MACROD2: variants seen among roughly 807,000 people sequenced by gnomAD.
The protein encoded by MACROD2 is mono-ADP ribosylhydrolase 2.
A neutral mutation model predicts 70.4 loss-of-function variants in MACROD2; 36 were observed. The observed-to-expected ratio is 0.51, with a 90% CI of 0.39 to 0.68. MACROD2 has a LOEUF of 0.68. Among genes scored for constraint, MACROD2 ranks in the 30% least tolerant of loss-of-function variants. The pLI is 0.00. For synonymous variants in MACROD2, 172 were observed against 178.8 expected, an observed-to-expected ratio of 0.96 and a Z score of 0.30; for missense variants, 496 against 538.4, an observed-to-expected ratio of 0.92 and a Z score of 0.78.
At chr20:14,386,663 C>A (rs541126662) in intron 3 of MACROD2, among the ~76,000 whole-genome samples, 5 of 152,296 alleles carry the variant, frequency 3.3e-5, no homozygotes, top group African/African-American at 1.2e-4. Context: ...CTTTTGCCTT[C>A]TGCCATGATT....
At chr20:14,795,328 C>T (rs563636485) in intron 5 of MACROD2, among the ~76,000 whole-genome samples, 6 of 152,098 alleles carry the variant, frequency 3.9e-5, no homozygotes, top group Non-Finnish European at 7.4e-5. Flanking sequence ...AGAAGAAAGC[C>T]AGGATCTAGG....
rs1458818664 is a variant in MACROD2 at position 14,930,456 on chromosome 20, T to A, written c.418+245497T>A. Among the ~76,000 whole-genome samples, 7 of 152,072 alleles carry A rather than the reference T, an allele frequency of 4.6e-5. No individual in the cohort carries two copies. The East Asian group carries it at 1.2e-3, about 25-fold the overall frequency. Reference sequence around the variant, plus strand: ...ACTCTGGAGTTCAACTATCCAGGTTTGACTTCTTCCATTTCTGAGCTATGA... The same window carrying A: ...ACTCTGGAGTTCAACTATCCAGGTTAGACTTCTTCCATTTCTGAGCTATGA... On this transcript the variant is annotated intron_variant, in intron 5 of 17. Transcript: ENST00000684519.
In MACROD2 at chr20:14,175,434, C is replaced by T. The variant is rs192155921; in HGVS notation, c.271+89706C>T. On this transcript the variant is annotated intron_variant, in intron 3 of 17. Transcript: ENST00000684519. ...TCCTATGATTAGGTTTTATTTTGTG[C>T]TAATGAAGTGTGGAGGGAGGGAAAG... Among the ~76,000 whole-genome samples, 222 of 152,000 alleles carry T rather than the reference C, an allele frequency of 1.5e-3. 2 individuals carry two copies. The highest frequency in any genetic ancestry group is 3.8e-4 in the Non-Finnish European group (26 of 68,000).
At chr20:14,768,424 C>T (rs2072120485) in intron 5 of MACROD2, among the ~76,000 whole-genome samples, 1 of 152,060 alleles carries the variant, frequency 6.6e-6, no homozygotes, top group South Asian at 2.1e-4. Flanking sequence ...GTTTTATTTC[C>T]CTGTTCTCAG....
chr20:14,073,695 T>C (rs976955728), intron 2 of MACROD2, among the ~76,000 whole-genome samples: 1 of 152,176 alleles, frequency 6.6e-6, no homozygotes. Flanking sequence ...TGAGCTCATA[T>C]CGAAAGTTTT....
chr20:15,631,013 G>A (rs191091233), intron 8 of MACROD2, among the ~76,000 whole-genome samples: 220 of 152,248 alleles, frequency 1.4e-3, no homozygotes, highest in African/African-American at 5.1e-3. Context: ...CACATAAAGG[G>A]AATATTTATA....
intron 6 of MACROD2, among the ~76,000 whole-genome samples, chr20:15,247,737 G>A (rs139492454): frequency 6.0e-5 from 9 of 151,104 alleles, no homozygotes; most frequent in African/African-American, 9.7e-5. Context: ...TCACTCTGTC[G>A]CCCAGGCTAG....
chr20:14,718,038 T>C (rs560065435), intron 5 of MACROD2, among the ~76,000 whole-genome samples: 1 of 152,046 alleles, frequency 6.6e-6, no homozygotes, highest in African/African-American at 2.4e-5. Flanking sequence ...CTCGCGCCTG[T>C]AATCCCAGCA....
chr20:15,330,515 G>A (rs2077980853), intron 6 of MACROD2, among the ~76,000 whole-genome samples: 1 of 149,318 alleles, frequency 6.7e-6, no homozygotes, highest in Admixed American at 6.6e-5. Context: ...ATGTAGAGGA[G>A]GGCTGATGGA....
At chr20:15,603,124 A>C (rs1255430732) in intron 8 of MACROD2, among the ~76,000 whole-genome samples, 1 of 152,106 alleles carries the variant, frequency 6.6e-6, no homozygotes, top group African/African-American at 2.4e-5. Context: ...AAATGTTAAT[A>C]TTATCTGTGG....
chr20:15,717,371 C>G (rs2050721737), intron 8 of MACROD2, among the ~76,000 whole-genome samples: 2 of 152,174 alleles, frequency 1.3e-5, no homozygotes, highest in African/African-American at 4.8e-5. Flanking sequence ...CTATCTGTGA[C>G]AGTGTATATG....
intron 4 of MACROD2, among the ~76,000 whole-genome samples, chr20:14,610,995 A>G (rs947703955): frequency 5.3e-5 from 8 of 152,112 alleles, no homozygotes; most frequent in Non-Finnish European, 1.2e-4. Context: ...TAGTCATTTC[A>G]TAGAGGGCTT....
chr20:15,691,977 T>C (rs567099299), intron 8 of MACROD2, among the ~76,000 whole-genome samples: 1 of 152,336 alleles, frequency 6.6e-6, no homozygotes, highest in South Asian at 2.1e-4. Flanking sequence ...CCTCGGTTCT[T>C]AGATACTTTT....
intron 5 of MACROD2, among the ~76,000 whole-genome samples, chr20:15,083,690 C>T (rs117245924): frequency 0.015 from 2,261 of 151,816 alleles, 38 homozygotes; most frequent in Middle Eastern, 0.024. Context: ...CACAATGAAA[C>T]GCCATCTTTA....
chr20:14,927,412 A>G (rs2074246220), intron 5 of MACROD2, among the ~76,000 whole-genome samples: 1 of 152,184 alleles, frequency 6.6e-6, no homozygotes, highest in Admixed American at 6.5e-5. Flanking sequence ...TACTGCTGCT[A>G]TTACCCACAT....
At chr20:14,245,780 T>C (rs2081964222) in intron 3 of MACROD2, among the ~76,000 whole-genome samples, 1 of 152,140 alleles carries the variant, frequency 6.6e-6, no homozygotes, top group South Asian at 2.1e-4. Context: ...CCATCACCTC[T>C]ACCCCTAAAG....
chr20:15,658,164 T>C (rs1356087370), intron 8 of MACROD2, among the ~76,000 whole-genome samples: 1 of 151,930 alleles, frequency 6.6e-6, no homozygotes, highest in East Asian at 1.9e-4. Context: ...AAAATAATAC[T>C]TGAAAACGCT....
At chr20:15,290,504 A>G (rs2077532009) in intron 6 of MACROD2, among the ~76,000 whole-genome samples, 1 of 152,202 alleles carries the variant, frequency 6.6e-6, no homozygotes, top group Non-Finnish European at 1.5e-5. Context: ...TTGTATAGGT[A>G]CAATAACTGT....
rs146276467 is a variant in MACROD2 at position 15,679,688 on chromosome 20, A to G, written c.645+179841A>G. ...TGTGGAAAGACCACACAGAGGGACCATGCAAAGAAGCAGAGGCCCTGACAT... is the reference window on the plus strand; with the variant it reads ...TGTGGAAAGACCACACAGAGGGACCGTGCAAAGAAGCAGAGGCCCTGACAT... On this transcript the variant is annotated intron_variant, in intron 8 of 17. Transcript: ENST00000684519. Among the ~76,000 whole-genome samples the G allele has an allele frequency of 1.1e-4, 17 of 152,276 alleles. No homozygotes were observed. In the East Asian group the frequency reaches 3.3e-3, roughly 29 times the overall value.
Sources: gnomAD v4.1 joint callset for allele counts (sites outside exome capture counted in the v4.1 genomes callset) on GRCh38, gnomAD v4.1.1 for gene constraint, MANE v1.5 for transcripts, NCBI Gene and HGNC (gene_info 2026-07-23, HGNC 2026-07-21) for gene names.